The following IMMP2L variants were observed in gnomAD, a reference collection of about 807,000 sequenced individuals.
The protein encoded by IMMP2L is inner mitochondrial membrane peptidase subunit 2, also known as mitochondrial inner membrane protease subunit 2.
Under a neutral mutation model 19.3 loss-of-function variants are expected in IMMP2L, and 18 were observed. That is an observed-to-expected ratio of 0.93 (90% confidence interval 0.64 to 1.38). IMMP2L has a LOEUF of 1.38. Ranked by LOEUF, IMMP2L falls within the 40% of genes most tolerant of loss-of-function variation. The probability of loss-of-function intolerance (pLI) is 0.00; values close to 1 mark genes in which losing one functional copy is unlikely to be tolerated. For missense variants in IMMP2L, 233 were observed against 218.2 expected (o/e 1.07, Z -0.43); for synonymous variants, 76 against 73.0 (o/e 1.04, Z -0.21).
intron 3 of IMMP2L, among the ~76,000 whole-genome samples, chr7:111,235,596 C>T (rs1369002427): frequency 1.3e-5 from 2 of 151,890 alleles, no homozygotes; most frequent in Non-Finnish European, 2.9e-5. Flanking sequence ...TACTCTGTAC[C>T]TGATACGTCT....
At chr7:111,317,526 T>G (rs1824237585) in intron 3 of IMMP2L, among the ~76,000 whole-genome samples, 3 of 152,208 alleles carry the variant, frequency 2.0e-5, no homozygotes, top group South Asian at 4.1e-4. Flanking sequence ...ATAATAATAC[T>G]GAATCAGAGA....
intron 1 of IMMP2L, among the ~76,000 whole-genome samples, chr7:111,541,499 A>G (rs1848500827): frequency 6.6e-6 from 1 of 152,210 alleles, no homozygotes; most frequent in African/African-American, 2.4e-5. Flanking sequence ...ATAAAACTAA[A>G]TTATTTTTAT....
chr7:111,242,431 A>G (rs1815198065), intron 3 of IMMP2L, among the ~76,000 whole-genome samples: 1 of 152,126 alleles, frequency 6.6e-6, no homozygotes, highest in African/African-American at 2.4e-5. Flanking sequence ...CCAACTCCAG[A>G]GCACAAAAGA....
At position 110,728,199 on chromosome 7, in the gene IMMP2L, A is replaced by T. The variant is rs1189400862; in HGVS notation, c.409-64478T>A. 6.6e-6 allele frequency among the ~76,000 whole-genome samples: 1 copy of T among 152,186 alleles called. No individual in the cohort carries two copies. Among genetic ancestry groups the T allele is most frequent in the Non-Finnish European group, 1.5e-5 (1 of 68,042 alleles). ...GCTTGTTGTTGTTGTTATCAATATT[A>T]TTAATAATCTTAAAGGCGACTGGGA... On this transcript the variant is annotated intron_variant, in intron 5 of 5. Coordinates refer to ENST00000405709, the MANE Select transcript of IMMP2L (RefSeq NM_032549.4). The surrounding 1 kb of genome is among the most constrained non-coding windows in gnomAD (Gnocchi z 4.6).
intron 3 of IMMP2L, among the ~76,000 whole-genome samples, chr7:111,426,862 ATAG>A: frequency 1.3e-5 from 2 of 151,330 alleles, no homozygotes; most frequent in South Asian, 4.2e-4. Context: ...TGTTTAATAA[ATAG>A]TAGTAATTAA....
In IMMP2L at chr7:111,166,363, C is replaced by A. The variant is rs191253366; in HGVS notation, c.240-202798G>T. 8.2e-4 allele frequency among the ~76,000 whole-genome samples: 124 copies of A among 152,054 alleles called. 1 individual carries two copies. Among genetic ancestry groups the A allele is most frequent in the Admixed American group, 8.1e-3 (124 of 15,216 alleles). ...ACTAAGAAACTAGGATTCCTCCCACCCTGGCCTGCTTGAAAGTAAACTTTA... is the reference window on the plus strand; with the variant it reads ...ACTAAGAAACTAGGATTCCTCCCACACTGGCCTGCTTGAAAGTAAACTTTA... On this transcript the variant is annotated intron_variant, in intron 3 of 5. Transcript: ENST00000405709.
intron 1 of IMMP2L, among the ~76,000 whole-genome samples, chr7:111,543,229 A>G (rs1362067677): frequency 6.6e-6 from 1 of 152,176 alleles, no homozygotes; most frequent in African/African-American, 2.4e-5. Context: ...CAAAACTGCA[A>G]TTAATTTTAA....
At chr7:111,259,376 T>C (rs991824981) in intron 3 of IMMP2L, among the ~76,000 whole-genome samples, 5 of 152,192 alleles carry the variant, frequency 3.3e-5, no homozygotes, top group Non-Finnish European at 7.3e-5. Flanking sequence ...GGCTCATGAC[T>C]GTAATCCCAA....
At chr7:111,158,273 G>A (rs188484351) in intron 3 of IMMP2L, among the ~76,000 whole-genome samples, 22 of 152,142 alleles carry the variant, frequency 1.4e-4, no homozygotes, top group Admixed American at 1.2e-3. Flanking sequence ...ATTATAGGTA[G>A]ATATAGGTAG....
chr7:111,149,357 G>GA (rs1360737702), intron 3 of IMMP2L, among the ~76,000 whole-genome samples: 1 of 152,102 alleles, frequency 6.6e-6, no homozygotes, highest in Admixed American at 6.6e-5. Context: ...TATAAGAGCA[G>GA]AAAAAAGTAA....
rs1022102906 is a variant in IMMP2L, at chr7:110,757,475, G to A, written c.409-93754C>T. Among the ~76,000 whole-genome samples the A allele has an allele frequency of 6.6e-6, 1 of 152,018 alleles. No individual in the cohort carries two copies. Among genetic ancestry groups the A allele is most frequent in the African/African-American group, 2.4e-5 (1 of 41,390 alleles). On this transcript the variant is annotated intron_variant, in intron 5 of 5. Coordinates refer to ENST00000405709, the MANE Select transcript of IMMP2L (RefSeq NM_032549.4). This position sits in a 1 kb window ranked among gnomAD's most constrained non-coding sequence, Gnocchi z 4.2. ...CAGATACGCTCTCCACATTTCTCTT[G>A]AACTCTTTGTCCCAGGAGGTTATGT...
intron 5 of IMMP2L, among the ~76,000 whole-genome samples, chr7:110,716,345 G>T (rs536369168): frequency 5.1e-4 from 78 of 152,196 alleles, no homozygotes; most frequent in Non-Finnish European, 8.7e-4. Flanking sequence ...AATGAAGTTT[G>T]TTGGTTGGTT....
chr7:110,883,809 T>C (rs1398398425), intron 5 of IMMP2L, among the ~76,000 whole-genome samples: 1 of 152,028 alleles, frequency 6.6e-6, no homozygotes, highest in Non-Finnish European at 1.5e-5. Context: ...CAATTCACTA[T>C]GCAGGAAACA....
intron 3 of IMMP2L, among the ~76,000 whole-genome samples, chr7:111,120,146 T>G (rs2129587374): frequency 6.6e-6 from 1 of 152,340 alleles, no homozygotes; most frequent in East Asian, 1.9e-4. Context: ...ATGATTATAT[T>G]TCAAAGACAC....
At chr7:111,268,735 A>G (rs1818124776) in intron 3 of IMMP2L, among the ~76,000 whole-genome samples, 2 of 151,170 alleles carry the variant, frequency 1.3e-5, no homozygotes, top group Admixed American at 6.6e-5. Context: ...CTGGGACCAC[A>G]GGCGAGCACC....
chr7:111,359,309 T>C (rs1829031255), intron 3 of IMMP2L, among the ~76,000 whole-genome samples: 1 of 152,028 alleles, frequency 6.6e-6, no homozygotes, highest in South Asian at 2.1e-4. Context: ...TGTTTGTTTG[T>C]TTGTTTTAAT....
chr7:110,772,494 T>C (rs73417226), intron 5 of IMMP2L, among the ~76,000 whole-genome samples: 9,345 of 152,134 alleles, frequency 0.061, 480 homozygotes, highest in African/African-American at 0.13. Flanking sequence ...TACTTTTCCA[T>C]AGTTTCCACA....
chr7:110,777,080 T>C (rs1238488825), intron 5 of IMMP2L, among the ~76,000 whole-genome samples: 3 of 151,924 alleles, frequency 2.0e-5, no homozygotes, highest in Admixed American at 2.0e-4. Context: ...TGTGGGAGGA[T>C]AAAAGTAGTA....
In IMMP2L at chr7:111,124,814, TA is replaced by T; in HGVS notation, c.240-161250del. Reference sequence around the variant, plus strand: ...TTAGGTGAGCTTTATCCTCCTCTGATAAATCTCTGGGAAGCAGGAAAAGAAA... The same window carrying T: ...TTAGGTGAGCTTTATCCTCCTCTGATAATCTCTGGGAAGCAGGAAAAGAAA... On this transcript the variant is annotated intron_variant, in intron 3 of 5. Coordinates refer to ENST00000405709, the MANE Select transcript of IMMP2L (RefSeq NM_032549.4). 2.5e-6 allele frequency: 4 copies of T among 1,612,186 alleles called. No homozygotes were observed. The East Asian group carries it at 8.9e-5, about 36-fold the overall frequency.
Sources: gnomAD v4.1 joint callset for allele counts (sites outside exome capture counted in the v4.1 genomes callset) on GRCh38, gnomAD v4.1.1 for gene constraint, Gnocchi (gnomAD v3.1) non-coding constraint, MANE v1.5 for transcripts, NCBI Gene and HGNC (gene_info 2026-07-23, HGNC 2026-07-21) for gene names.